The following DHDH variants were observed in gnomAD, a reference collection of about 807,000 sequenced individuals.
DHDH encodes trans-1,2-dihydrobenzene-1,2-diol dehydrogenase.
Under a neutral mutation model 33.2 loss-of-function variants are expected in DHDH, and 29 were observed. The ratio of observed to expected loss-of-function variants is 0.87; its 90% CI spans 0.65 to 1.19. The LOEUF is 1.19. Among genes scored for constraint, DHDH ranks in the 50% most tolerant of loss-of-function variants. DHDH has a pLI of 0.00. For synonymous variants in DHDH, 201 were observed against 187.9 expected (o/e 1.07, Z -0.57); for missense variants, 431 against 455.0 (o/e 0.95, Z 0.48).
intron 3 of DHDH, 116 bp from the exon 4 acceptor site, chr19:48,939,333 A>G (rs2037823396): frequency 8.0e-7 from 1 of 1,249,954 alleles, no homozygotes; most frequent in African/African-American, 1.5e-5. Context: ...GAGGGATACA[A>G]CCTGGGGACT....
chr19:48,934,640 C>T (rs1346336550), intron 1 of DHDH, among the ~76,000 whole-genome samples: 8 of 152,168 alleles, frequency 5.3e-5, no homozygotes, highest in Non-Finnish European at 1.0e-4. Context: ...TAAATCTAGC[C>T]TACGTGCACA....
chr19:48,941,385 A>G (rs922241466), intron 4 of DHDH, among the ~76,000 whole-genome samples: 2 of 151,932 alleles, frequency 1.3e-5, no homozygotes, highest in African/African-American at 4.8e-5. Context: ...ATAGACTGTA[A>G]TTTTTGTTTT....
chr19:48,939,906 T>G (rs570218146), intron 4 of DHDH, among the ~76,000 whole-genome samples: 1 of 152,324 alleles, frequency 6.6e-6, no homozygotes, highest in Admixed American at 6.5e-5. Context: ...GCCAGCAGAC[T>G]TAACATCTCT....
At position 48,933,732 on chromosome 19, in the gene DHDH, G is replaced by A. The variant is rs747938171; in HGVS notation, c.11G>A (p.Arg4His). MAL[R>H]WGIVSVGLIS... is the part of the protein sequence containing the mutation. ...CTCCGCATCGCAACCATGGCGCTGC[G>A]CTGGGGCATCGTGTCTGTCGGCCTC... The change falls in exon 1 of 7, where the codon CGC becomes CAC. Residue 4 changes from arginine to histidine, a missense_variant. By Grantham distance (29) the Arg-to-His change is conservative (BLOSUM62 0). Coordinates refer to ENST00000221403, the MANE Select transcript of DHDH (RefSeq NM_014475.4). 3 of 1,613,370 alleles carry A rather than the reference G, an allele frequency of 1.9e-6. No individual in the cohort carries two copies. Among genetic ancestry groups the A allele is most frequent in the Non-Finnish European group, 2.5e-6 (3 of 1,180,004 alleles).
rs1199572277 is a variant in DHDH at position 48,936,048 on chromosome 19, C to T, written c.219C>T (p.Gly73=). 3.1e-6 allele frequency: 5 copies of T among 1,604,120 alleles called. No homozygotes were observed. The change falls in exon 3 of 7, where the codon GGC becomes GGT. Residue 73 remains glycine, a synonymous_variant. Transcript: ENST00000221403. ...KDPSVEVAYI[G]TQHPQHKAAV... The stretch of plus-strand genomic sequence containing the variant: ...CCACCCTAGAGGTGGCCTACATTGG[C>T]ACCCAGCACCCCCAGCACAAGGCGG...
intron 3 of DHDH, among the ~76,000 whole-genome samples, chr19:48,938,179 CT>C (rs2037806953): frequency 6.6e-6 from 1 of 152,022 alleles, no homozygotes; most frequent in Admixed American, 6.6e-5. Flanking sequence ...TCACTGCAAC[CT>C]CCGCTGCCCG....
intron 5 of DHDH, 138 bp from the exon 6 acceptor site, chr19:48,944,219 C>T: frequency 3.5e-6 from 4 of 1,150,142 alleles, no homozygotes; most frequent in South Asian, 1.4e-5. Flanking sequence ...GTCCAAAGCT[C>T]CCCGGGGATG....
chr19:48,936,928 C>T (rs76335080), intron 3 of DHDH, among the ~76,000 whole-genome samples: 52,012 of 150,604 alleles, frequency 0.35, 12,317 homozygotes, highest in African/African-American at 0.66. Context: ...GGACTACAGG[C>T]GCCCGCCACC....
intron 5 of DHDH, among the ~76,000 whole-genome samples, chr19:48,943,307 T>C (rs906469034): frequency 2.0e-5 from 3 of 152,038 alleles, no homozygotes; most frequent in African/African-American, 7.2e-5. Flanking sequence ...CAGTTGTGAA[T>C]TTCGGAAGTG....
At chr19:48,940,403 C>G (rs2037842800) in intron 4 of DHDH, among the ~76,000 whole-genome samples, 1 of 151,574 alleles carries the variant, frequency 6.6e-6, no homozygotes, top group South Asian at 2.1e-4. Context: ...CTTGCCTTGG[C>G]TTCCACTCAG....
intron 4 of DHDH, among the ~76,000 whole-genome samples, chr19:48,942,163 C>G (rs1333741273): frequency 6.6e-6 from 1 of 152,020 alleles, no homozygotes; most frequent in Non-Finnish European, 1.5e-5. Flanking sequence ...CTACACCACG[C>G]CTGGCTAATT....
At chr19:48,944,533 G>T in intron 6 of DHDH, 26 bp downstream of exon 6, 3 of 1,565,714 alleles carry the variant, frequency 1.9e-6, no homozygotes, top group Non-Finnish European at 2.6e-6. Context: ...CGGGGCAGGC[G>T]CCAGGCCTGG....
intron 3 of DHDH, among the ~76,000 whole-genome samples, chr19:48,938,927 G>A (rs919671581): frequency 2.6e-5 from 4 of 152,214 alleles, no homozygotes; most frequent in Non-Finnish European, 4.4e-5. Context: ...GACTCGCAAA[G>A]TGCTGGGATT....
At chr19:48,935,924 A>G in intron 2 of DHDH, 108 bp from the exon 3 acceptor site, 1 of 1,408,476 alleles carries the variant, frequency 7.1e-7, no homozygotes, top group African/African-American at 1.4e-5. Flanking sequence ...CAGGGGTGTG[A>G]CCGACCACCT....
chr19:48,933,628 G>T, upstream of DHDH: 4 of 1,196,288 alleles, frequency 3.3e-6, no homozygotes, highest in East Asian at 9.4e-5. Context: ...AATACGGGCG[G>T]AGGATGGGGA....
rs762454371 is a variant in DHDH at position 48,942,430 on chromosome 19, T to C, written c.620-10T>C. The C allele has an allele frequency of 2.5e-6, 4 of 1,597,594 alleles. No homozygotes were observed. The Admixed American group carries it at 6.7e-5, about 27-fold the overall frequency. On this transcript the variant is annotated splice_polypyrimidine_tract_variant and intron_variant, in intron 4 of 6. Transcript: ENST00000221403. ...GAGAGACCCTGCCCTGACCCAGGAC[T>C]TCCCTCCAGGTGTGGATGACACTGT...
chr19:48,933,629 A>T, upstream of DHDH: 1 of 1,198,476 alleles, frequency 8.3e-7, no homozygotes, highest in Non-Finnish European at 1.2e-6. Flanking sequence ...ATACGGGCGG[A>T]GGATGGGGAC....
chr19:48,944,188 A>T (rs1265456115), intron 5 of DHDH, among the ~76,000 whole-genome samples, 169 bp from the exon 6 acceptor site: 1 of 152,124 alleles, frequency 6.6e-6, no homozygotes, highest in South Asian at 2.1e-4. Context: ...ACAAACTTCT[A>T]GCAACTAGAA....
In DHDH at chr19:48,938,100, CATT is replaced by C. The variant is rs1164761000; in HGVS notation, c.367-1348_367-1346del. Among the ~76,000 whole-genome samples, 7 of 151,960 alleles carry C rather than the reference CATT, an allele frequency of 4.6e-5. No individual in the cohort carries two copies. The South Asian group carries it at 8.3e-4, about 18-fold the overall frequency. On this transcript the variant is annotated intron_variant, in intron 3 of 6. Coordinates refer to ENST00000221403, the MANE Select transcript of DHDH (RefSeq NM_014475.4). ...GAGGTAGAACTCTGGTTTTTGTTGT[CATT>C]GTTGTTGTTTTTGAGACAGAGTCTT...
Sources: allele counts gnomAD v4.1 joint callset (sites outside exome capture counted in the v4.1 genomes callset), GRCh38; gene constraint gnomAD v4.1.1; transcripts MANE v1.5; gene names NCBI Gene and HGNC (gene_info 2026-07-23, HGNC 2026-07-21).